Variants in SLC30A8 observed in about 807,000 individuals in gnomAD.
SLC30A8 encodes the protein proton-coupled zinc antiporter SLC30A8.
SLC30A8 carries 27 observed loss-of-function variants against 36.9 expected under a neutral mutation model. The ratio of observed to expected loss-of-function variants is 0.73; its 90% CI spans 0.54 to 1.01. SLC30A8 has a LOEUF of 1.01. Ranked by LOEUF, SLC30A8 falls within the 50% of genes least tolerant of loss-of-function variation. SLC30A8 has a pLI of 0.00. For synonymous variants in SLC30A8, 164 were observed against 172.4 expected (o/e 0.95, Z 0.38); for missense variants, 439 against 452.0 (o/e 0.97, Z 0.26).
intron 1 of SLC30A8, among the ~76,000 whole-genome samples, chr8:117,035,955 A>G (rs1817200817): frequency 7.0e-6 from 1 of 142,056 alleles, no homozygotes; most frequent in Admixed American, 7.0e-5. Context: ...GTTCTGGCCC[A>G]TGAAGTCATT....
At chr8:117,146,600 T>A (rs1437809712) in intron 1 of SLC30A8, among the ~76,000 whole-genome samples, 2 of 152,188 alleles carry the variant, frequency 1.3e-5, no homozygotes, top group Admixed American at 6.5e-5. Context: ...TATTATTATT[T>A]TTTTGTAGCA....
chr8:116,955,256 G>C (rs1458747399), intron 1 of SLC30A8, among the ~76,000 whole-genome samples: 1 of 152,140 alleles, frequency 6.6e-6, no homozygotes, highest in Non-Finnish European at 1.5e-5. Context: ...ATTAAGATAA[G>C]GTCATTTTGG....
chr8:116,960,287 T>C (rs1814373491), intron 1 of SLC30A8, among the ~76,000 whole-genome samples: 1 of 152,206 alleles, frequency 6.6e-6, no homozygotes, highest in Admixed American at 6.5e-5. Flanking sequence ...CGTCATTTGA[T>C]AGAATAGAGG....
At chr8:116,994,858 A>T (rs983133183) in intron 1 of SLC30A8, among the ~76,000 whole-genome samples, 7 of 152,236 alleles carry the variant, frequency 4.6e-5, no homozygotes, top group Admixed American at 2.6e-4. Context: ...ACTTGTGTGT[A>T]TGTTTTAGCT....
At chr8:117,071,560 TTTTG>T (rs1185581365) in intron 2 of SLC30A8, among the ~76,000 whole-genome samples, 1 of 152,168 alleles carries the variant, frequency 6.6e-6, no homozygotes, top group African/African-American at 2.4e-5. Context: ...TTTGATGCCA[TTTTG>T]TTTGTCTATT....
intron 2 of SLC30A8, among the ~76,000 whole-genome samples, chr8:117,052,945 C>T (rs866120257): frequency 6.0e-5 from 9 of 148,850 alleles, no homozygotes; most frequent in South Asian, 2.1e-4. Flanking sequence ...CTCGTTCTGT[C>T]GCCCAGGCTG....
chr8:117,153,720 A>C (rs1434113004), intron 3 of SLC30A8, among the ~76,000 whole-genome samples: 1 of 119,844 alleles, frequency 8.3e-6, no homozygotes, highest in East Asian at 2.5e-4. Context: ...GGTCATGATA[A>C]GGGGTGTGTG....
intron 1 of SLC30A8, among the ~76,000 whole-genome samples, chr8:116,978,886 A>G (rs887232527): frequency 6.6e-6 from 1 of 150,712 alleles, no homozygotes; most frequent in African/African-American, 2.4e-5. Flanking sequence ...AGTCACTGTC[A>G]TCCTACCTGT....
At chr8:117,012,776 A>G (rs904521525) in intron 1 of SLC30A8, among the ~76,000 whole-genome samples, 2 of 146,092 alleles carry the variant, frequency 1.4e-5, no homozygotes, top group Non-Finnish European at 3.0e-5. Flanking sequence ...ATCCTCAAAT[A>G]GATTGTAGGC....
chr8:117,137,195 C>G (rs1821404702), intron 1 of SLC30A8, among the ~76,000 whole-genome samples: 1 of 151,688 alleles, frequency 6.6e-6, no homozygotes. Flanking sequence ...GTCACATGTC[C>G]CTGAATTCCC....
At chr8:116,966,487 A>G (rs1247159478) in intron 1 of SLC30A8, among the ~76,000 whole-genome samples, 1 of 152,148 alleles carries the variant, frequency 6.6e-6, no homozygotes, top group Non-Finnish European at 1.5e-5. Flanking sequence ...CCATAATCCT[A>G]TAAACATGTT....
At chr8:117,131,787 C>T (rs1172081022), upstream of SLC30A8, among the ~76,000 whole-genome samples, 1 of 151,948 alleles carries the variant, frequency 6.6e-6, no homozygotes, top group Admixed American at 6.6e-5. Flanking sequence ...ATATCAGAGA[C>T]TATGCTAAGA....
chr8:117,016,379 A>G (rs906973387), intron 1 of SLC30A8, among the ~76,000 whole-genome samples: 7 of 152,196 alleles, frequency 4.6e-5, no homozygotes, highest in Non-Finnish European at 8.8e-5. Flanking sequence ...ATGTCAGACT[A>G]TAGTTGGGCT....
chr8:116,973,965 C>T (rs934426019), intron 1 of SLC30A8, among the ~76,000 whole-genome samples: 2 of 152,108 alleles, frequency 1.3e-5, no homozygotes, highest in Non-Finnish European at 2.9e-5. Flanking sequence ...ATAAATGGTG[C>T]TGGGAAAACT....
intron 1 of SLC30A8, among the ~76,000 whole-genome samples, chr8:116,955,282 A>G (rs117173415): frequency 2.0e-5 from 3 of 152,320 alleles, no homozygotes; most frequent in East Asian, 1.9e-4. Context: ...TGTGGGCCCT[A>G]AATCTGATGA....
intron 1 of SLC30A8, among the ~76,000 whole-genome samples, chr8:117,146,137 AAAG>A (rs1488997767): frequency 7.9e-5 from 12 of 152,312 alleles, no homozygotes; most frequent in African/African-American, 2.9e-4. Context: ...TTCCTAGAAT[AAAG>A]AAGAGAGAAA....
intron 1 of SLC30A8, among the ~76,000 whole-genome samples, chr8:116,981,890 G>T (rs1234465081): frequency 6.6e-6 from 1 of 152,146 alleles, no homozygotes; most frequent in African/African-American, 2.4e-5. Flanking sequence ...GTGTGCATGT[G>T]TCTTTATGAT....
chr8:116,953,627 G>A (rs1778081442), intron 1 of SLC30A8, among the ~76,000 whole-genome samples: 1 of 152,002 alleles, frequency 6.6e-6, no homozygotes. Flanking sequence ...AGCTTTCTAG[G>A]GTTCTATGTG....
intron 6 of SLC30A8, among the ~76,000 whole-genome samples, chr8:117,167,496 T>TATATATATATATATATATATATATATAC (rs1403884282): frequency 6.2e-4 from 87 of 140,550 alleles, no homozygotes; most frequent in African/African-American, 2.5e-3. Flanking sequence ...TATATATACA[T>TATATATATATATATATATATATATATAC]ACATACATGT....
Sources: gnomAD v4.1 joint callset for allele counts (sites outside exome capture counted in the v4.1 genomes callset) on GRCh38, gnomAD v4.1.1 for gene constraint, MANE v1.5 for transcripts, NCBI Gene and HGNC (gene_info 2026-07-23, HGNC 2026-07-21) for gene names.